BLTP3A: variants seen among roughly 807,000 people sequenced by gnomAD.
The protein encoded by BLTP3A is ICBP90 binding protein 1.
chr6:34,826,620 A>C, the BLTP3A span, among the ~76,000 whole-genome samples: 1 of 152,144 alleles, frequency 6.6e-6, no homozygotes, highest in Non-Finnish European at 1.5e-5. Context: ...GGCCTCTCAA[A>C]GTGTTAGGAT....
the BLTP3A span, among the ~76,000 whole-genome samples, chr6:34,803,280 G>A: frequency 4.0e-5 from 6 of 151,686 alleles, no homozygotes; most frequent in Non-Finnish European, 8.8e-5. Flanking sequence ...TTGAAAACTG[G>A]TGACTTAGTA....
chr6:34,794,326 T>A, the BLTP3A span, among the ~76,000 whole-genome samples: 7 of 138,738 alleles, frequency 5.0e-5, no homozygotes, highest in Admixed American at 4.3e-4. Context: ...CACTACTGTG[T>A]ACCCACAAAA....
the BLTP3A span, among the ~76,000 whole-genome samples, chr6:34,794,867 C>T: frequency 6.6e-6 from 1 of 151,880 alleles, no homozygotes; most frequent in South Asian, 2.1e-4. Context: ...TCACTGCAAC[C>T]TCCAACTACC....
At chr6:34,862,318 G>T in the BLTP3A span, among the ~76,000 whole-genome samples, 1 of 152,028 alleles carries the variant, frequency 6.6e-6, no homozygotes, top group Non-Finnish European at 1.5e-5. Flanking sequence ...GGAGCTTGCA[G>T]TGAGCTGAGA....
At chr6:34,863,528 T>G in the BLTP3A span, among the ~76,000 whole-genome samples, 1 of 152,200 alleles carries the variant, frequency 6.6e-6, no homozygotes, top group African/African-American at 2.4e-5. Flanking sequence ...GATCCTCTTC[T>G]CCTTGTCCTT....
chr6:34,795,432 C>T, the BLTP3A span, among the ~76,000 whole-genome samples: 1 of 149,370 alleles, frequency 6.7e-6, no homozygotes, highest in Non-Finnish European at 1.5e-5. Flanking sequence ...GAGTCTCACT[C>T]TGTCGCCCAA....
chr6:34,803,353 C>A, the BLTP3A span, among the ~76,000 whole-genome samples: 1 of 151,904 alleles, frequency 6.6e-6, no homozygotes, highest in Non-Finnish European at 1.5e-5. Context: ...CTCTTTTTCC[C>A]TACTATATGT....
the BLTP3A span, among the ~76,000 whole-genome samples, chr6:34,839,665 T>C: frequency 6.6e-5 from 10 of 151,852 alleles, no homozygotes; most frequent in Admixed American, 3.9e-4. Context: ...TGCCAGGGGG[T>C]AGGCAGGTGA....
At chr6:34,871,527 G>A in the BLTP3A span, 1 of 1,526,316 alleles carries the variant, frequency 6.6e-7, no homozygotes, top group Non-Finnish European at 9.1e-7. Flanking sequence ...AGCATGGGTT[G>A]TGTTAAATTG....
At chr6:34,793,596 A>C in the BLTP3A span, among the ~76,000 whole-genome samples, 2 of 152,226 alleles carry the variant, frequency 1.3e-5, no homozygotes, top group Admixed American at 1.3e-4. Context: ...GTAGTAAAAG[A>C]AAAAGCACAT....
the BLTP3A span, chr6:34,859,272 A>G: frequency 6.2e-7 from 1 of 1,613,744 alleles, no homozygotes; most frequent in Non-Finnish European, 8.5e-7. Context: ...ATGAGGCAGT[A>G]GAGTCCCTAC....
the BLTP3A span, among the ~76,000 whole-genome samples, chr6:34,832,445 T>G: frequency 6.6e-6 from 1 of 151,624 alleles, no homozygotes; most frequent in Non-Finnish European, 1.5e-5. Context: ...CTTTTTCTTT[T>G]TTTTTTCTGA....
the BLTP3A span, among the ~76,000 whole-genome samples, chr6:34,793,626 G>C: frequency 6.6e-6 from 1 of 152,324 alleles, no homozygotes; most frequent in African/African-American, 2.4e-5. Context: ...GTGCTGGAAA[G>C]TGCCTTTGGA....
At chr6:34,804,957 G>T in the BLTP3A span, among the ~76,000 whole-genome samples, 1 of 152,058 alleles carries the variant, frequency 6.6e-6, no homozygotes, top group Non-Finnish European at 1.5e-5. Flanking sequence ...GGCGATAATA[G>T]TAATCTTTTA....
the BLTP3A span, among the ~76,000 whole-genome samples, chr6:34,795,824 C>T: frequency 6.6e-6 from 1 of 152,218 alleles, no homozygotes; most frequent in African/African-American, 2.4e-5. Flanking sequence ...GGGAAAATTT[C>T]TGATTTTCTC....
At chr6:34,815,895 G>A in the BLTP3A span, among the ~76,000 whole-genome samples, 6 of 152,212 alleles carry the variant, frequency 3.9e-5, no homozygotes, top group East Asian at 3.9e-4. Context: ...TGATCTGTCC[G>A]CCTCGGCCTC....
chr6:34,869,113 T>G, the BLTP3A span, among the ~76,000 whole-genome samples: 1 of 152,044 alleles, frequency 6.6e-6, no homozygotes, highest in African/African-American at 2.4e-5. Context: ...GCAATTCTCC[T>G]GGCTCATCCT....
chr6:34,864,327 A>G, the BLTP3A span: 2 of 996,626 alleles, frequency 2.0e-6, no homozygotes, highest in East Asian at 2.5e-5. Flanking sequence ...AATCAAGACA[A>G]AAAAAGAGAG....
chr6:34,812,359 G>T, the BLTP3A span, among the ~76,000 whole-genome samples: 3 of 150,298 alleles, frequency 2.0e-5, no homozygotes, highest in Non-Finnish European at 4.4e-5. Flanking sequence ...ATGAGCCACT[G>T]TATGGAAATT....
Sources: allele counts gnomAD v4.1 joint callset (sites outside exome capture counted in the v4.1 genomes callset), GRCh38; gene constraint gnomAD v4.1.1; transcripts MANE v1.5; gene names NCBI Gene and HGNC (gene_info 2026-07-23, HGNC 2026-07-21).